NME8: variants seen among roughly 807,000 people sequenced by gnomAD.
NME8 encodes the protein NME/NM23 family member 8.
Under a neutral mutation model 82.3 loss-of-function variants are expected in NME8, and 72 were observed. The observed-to-expected ratio is 0.87, with a 90% CI of 0.72 to 1.06. NME8 has a LOEUF of 1.06. Ranked by LOEUF, NME8 falls within the 50% of genes least tolerant of loss-of-function variation. The pLI is 0.00. For missense variants in NME8, 712 were observed against 685.4 expected, an observed-to-expected ratio of 1.04 and a Z score of -0.43; for synonymous variants, 267 against 228.5, an observed-to-expected ratio of 1.17 and a Z score of -1.52.
chr7:37,891,483 T>G (rs887944760), intron 15 of NME8, among the ~76,000 whole-genome samples: 13 of 152,050 alleles, frequency 8.5e-5, no homozygotes, highest in Admixed American at 3.9e-4. Context: ...ATATGTTTAG[T>G]TTAAAACATC....
At chr7:37,900,032 C>A (rs955563692) in intron 17 of NME8, among the ~76,000 whole-genome samples, 2 of 152,162 alleles carry the variant, frequency 1.3e-5, no homozygotes, top group South Asian at 2.1e-4. Context: ...ATTTTTAACC[C>A]TGTCACAAAT....
At chr7:37,850,508 G>A (rs1182322060) in intron 4 of NME8, 73 bp downstream of exon 4, 16 of 1,573,572 alleles carry the variant, frequency 1.0e-5, no homozygotes, top group Admixed American at 3.3e-5. Flanking sequence ...TGTCCCTCTA[G>A]AGTCCCCACT....
At chr7:37,889,867 C>G (rs979325324) in intron 15 of NME8, among the ~76,000 whole-genome samples, 7 of 152,042 alleles carry the variant, frequency 4.6e-5, no homozygotes, top group Admixed American at 3.3e-4. Context: ...CCAACTTGAT[C>G]TGTCTTGAAT....
chr7:37,864,484 T>G, intron 9 of NME8, 63 bp downstream of exon 9: 2 of 1,437,782 alleles, frequency 1.4e-6, no homozygotes, highest in South Asian at 2.4e-5. Context: ...TAATCGTCAG[T>G]TCAAAGACAA....
intron 11 of NME8, among the ~76,000 whole-genome samples, chr7:37,868,757 C>A (rs1411592275): frequency 6.6e-6 from 1 of 152,132 alleles, no homozygotes; most frequent in African/African-American, 2.4e-5. Flanking sequence ...CTTCCCGGTG[C>A]CCTAAAAACA....
At chr7:37,876,227 TATATAGATAGATAG>T (rs774849297) in intron 11 of NME8, among the ~76,000 whole-genome samples, 2 of 129,142 alleles carry the variant, frequency 1.5e-5, no homozygotes. Context: ...TATATATATA[TATATAGATAGATAG>T]ATAGATAGAT....
rs2131970684 is a variant in NME8, at chr7:37,888,507, A to C, written c.1399+79A>C. 6.5e-6 allele frequency: 9 copies of C among 1,391,100 alleles called. No individual in the cohort carries two copies. In the Middle Eastern group the frequency reaches 7.3e-4, roughly 113 times the overall value. 86.2% of individuals were successfully genotyped at this position (1,391,100 alleles called of 1,614,324 possible). A position where few individuals can be genotyped will look rare whatever the true frequency, so the allele number is the denominator to read the frequency against. ...CATTTAAAAAATTTACAATCAGAAA[A>C]GCAAAACAGGAAACAGAAAATTCCA... On this transcript the variant is annotated intron_variant, in intron 15 of 17. Coordinates refer to ENST00000199447, the MANE Select transcript of NME8 (RefSeq NM_016616.5).
chr7:37,869,490 G>A (rs1437266844), intron 11 of NME8, among the ~76,000 whole-genome samples: 2 of 152,108 alleles, frequency 1.3e-5, no homozygotes, highest in Non-Finnish European at 2.9e-5. Flanking sequence ...TATTGTTTAG[G>A]TAGTAAACCT....
intron 15 of NME8, among the ~76,000 whole-genome samples, chr7:37,892,904 C>T (rs1785153079): frequency 6.6e-6 from 1 of 151,856 alleles, no homozygotes; most frequent in Admixed American, 6.6e-5. Flanking sequence ...TTCCTACCTC[C>T]CTTCCTCTTT....
intron 15 of NME8, among the ~76,000 whole-genome samples, chr7:37,892,727 G>A (rs1785149001): frequency 6.6e-6 from 1 of 151,884 alleles, no homozygotes; most frequent in Non-Finnish European, 1.5e-5. Context: ...TTTCGTGAGT[G>A]CAGCTTTTAT....
intron 2 of NME8, among the ~76,000 whole-genome samples, chr7:37,849,830 C>T (rs1415407898): frequency 6.8e-6 from 1 of 146,716 alleles, no homozygotes; most frequent in Non-Finnish European, 1.5e-5. Flanking sequence ...CAGATTGTGC[C>T]ACTGCACTCC....
intron 11 of NME8, among the ~76,000 whole-genome samples, chr7:37,868,903 G>C (rs547071115): frequency 7.9e-5 from 12 of 152,170 alleles, no homozygotes; most frequent in Admixed American, 2.6e-4. Context: ...GGTTTTATGC[G>C]CTGCTGTTTG....
intron 2 of NME8, 121 bp from the exon 3 acceptor site, chr7:37,850,139 A>G (rs1339441418): frequency 9.6e-6 from 7 of 725,868 alleles, no homozygotes; most frequent in East Asian, 5.3e-5. Flanking sequence ...ACATAAATAT[A>G]TACACCTACT....
At chr7:37,874,972 C>T (rs62459333) in intron 11 of NME8, among the ~76,000 whole-genome samples, 4,101 of 152,214 alleles carry the variant, frequency 0.027, 81 homozygotes, top group Middle Eastern at 0.051. Flanking sequence ...CATACACCTC[C>T]TATGTGATGG....
At chr7:37,864,776 G>A (rs765247077) in intron 9 of NME8, among the ~76,000 whole-genome samples, 1 of 152,164 alleles carries the variant, frequency 6.6e-6, no homozygotes, top group Non-Finnish European at 1.5e-5. Context: ...GGCTGGGGAG[G>A]CATCACAATC....
rs71535792 is a variant in NME8 at position 37,882,641 on chromosome 7, A to G, written c.995-1662A>G. On this transcript the variant is annotated intron_variant, in intron 12 of 17. Transcript: ENST00000199447. ...AAAGAAAGAAAGAAAGAAAGAAAGAAAGAGAAAGAAAGAAAGAGAAAGAAA... is the reference window on the plus strand; with the variant it reads ...AAAGAAAGAAAGAAAGAAAGAAAGAGAGAGAAAGAAAGAAAGAGAAAGAAA... Among the ~76,000 whole-genome samples the G allele has an allele frequency of 4.8e-4, 60 of 125,150 alleles. 1 individual carries two copies. Among genetic ancestry groups the G allele is most frequent in the Admixed American group, 7.2e-4 (9 of 12,542 alleles). The allele number at this position is 125,150 out of a possible 152,430, so 82.1% of individuals were successfully genotyped here.
At chr7:37,861,290 C>A (rs1784594269) in intron 6 of NME8, among the ~76,000 whole-genome samples, 1 of 152,198 alleles carries the variant, frequency 6.6e-6, no homozygotes, top group African/African-American at 2.4e-5. Flanking sequence ...GGCCTTGTCA[C>A]TTGCCATCTT....
rs142045839 is a variant in NME8 at position 37,892,954 on chromosome 7, T to A, written c.1400-1512T>A. 3.0e-3 allele frequency among the ~76,000 whole-genome samples: 462 copies of A among 152,244 alleles called. 4 individuals carry two copies. The highest frequency in any genetic ancestry group is 0.011 in the African/African-American group (443 of 41,564). On this transcript the variant is annotated intron_variant, in intron 15 of 17. Transcript: ENST00000199447. The stretch of plus-strand genomic sequence containing the variant: ...TATTTCTTTAACAGGGGAATAAATT[T>A]TTTAATTAGCATAGTAATTTTAATT...
intron 2 of NME8, among the ~76,000 whole-genome samples, chr7:37,849,728 C>T (rs1043016814): frequency 2.6e-5 from 4 of 151,942 alleles, no homozygotes; most frequent in East Asian, 1.9e-4. Context: ...AAAATTAGCC[C>T]GCCGTGGTGG....
Sources: allele counts gnomAD v4.1 joint callset (sites outside exome capture counted in the v4.1 genomes callset), GRCh38; gene constraint gnomAD v4.1.1; transcripts MANE v1.5; gene names NCBI Gene and HGNC (gene_info 2026-07-23, HGNC 2026-07-21).